The following SDK1 variants were observed in gnomAD, a reference collection of about 807,000 sequenced individuals.
SDK1 encodes sidekick cell adhesion molecule 1.
In SDK1, 157 loss-of-function variants were observed where a neutral mutation model predicts 245.5. That is an observed-to-expected ratio of 0.64 (90% CI 0.56 to 0.73). The LOEUF is 0.73. Ranked by LOEUF, SDK1 falls within the 30% of genes least tolerant of loss-of-function variation. The pLI, the probability that SDK1 is intolerant of heterozygous loss-of-function variation, is 0.00. For synonymous variants in SDK1, 1,647 were observed against 1,278.5 expected (o/e 1.29, Z -6.15); for missense variants, 3,583 against 3,002.3 (o/e 1.19, Z -4.52).
chr7:4,020,586 A>T (rs899589623), intron 17 of SDK1, among the ~76,000 whole-genome samples: 41 of 152,308 alleles, frequency 2.7e-4, no homozygotes, highest in African/African-American at 9.4e-4. Context: ...ATCTGCCTAG[A>T]AGGTGGCACA....
intron 1 of SDK1, among the ~76,000 whole-genome samples, chr7:3,424,383 C>T (rs1257675883): frequency 6.6e-6 from 1 of 152,126 alleles, no homozygotes; most frequent in African/African-American, 2.4e-5. Flanking sequence ...TATTCCTAAA[C>T]ATTTAAGCCT....
intron 17 of SDK1, among the ~76,000 whole-genome samples, chr7:4,038,155 C>T (rs1342937424): frequency 1.3e-5 from 2 of 152,204 alleles, no homozygotes; most frequent in African/African-American, 4.8e-5. Context: ...AAAGCCCAGT[C>T]CCCTTTGAAT....
At chr7:3,749,768 T>G (rs1779724951) in intron 4 of SDK1, among the ~76,000 whole-genome samples, 1 of 152,118 alleles carries the variant, frequency 6.6e-6, no homozygotes, top group Non-Finnish European at 1.5e-5. Context: ...AGTGTTCTGG[T>G]CTCCTGTATT....
intron 5 of SDK1, among the ~76,000 whole-genome samples, chr7:3,930,575 G>A (rs1167344867): frequency 6.6e-6 from 1 of 152,172 alleles, no homozygotes; most frequent in East Asian, 1.9e-4. Flanking sequence ...TGAAAATCCT[G>A]GCATCAAATT....
At chr7:4,139,516 T>C (rs1779353826) in intron 28 of SDK1, among the ~76,000 whole-genome samples, 2 of 33,342 alleles carry the variant, frequency 6.0e-5, no homozygotes, top group Admixed American at 3.3e-4. Flanking sequence ...TATGTATATA[T>C]GTGTGTGTAT....
chr7:3,597,817 G>C (rs2128637685), intron 1 of SDK1, among the ~76,000 whole-genome samples: 1 of 152,252 alleles, frequency 6.6e-6, no homozygotes, highest in South Asian at 2.1e-4. Context: ...ATGGTGCTGA[G>C]TTTACCAGTT....
At chr7:3,724,050 G>T (rs1014439103) in intron 4 of SDK1, among the ~76,000 whole-genome samples, 2 of 149,478 alleles carry the variant, frequency 1.3e-5, no homozygotes, top group Admixed American at 6.6e-5. Context: ...TGCAACCTCC[G>T]CCTCCCGGGT....
chr7:3,556,498 T>C lies in SDK1; in HGVS notation c.299-62582T>C, dbSNP rs960901633. Reference sequence around the variant, plus strand: ...TCTAGTATTTCATAGTACAACAGGGTGACTAAAGTCAATAATTTATTATAC... The same window carrying C: ...TCTAGTATTTCATAGTACAACAGGGCGACTAAAGTCAATAATTTATTATAC... On this transcript the variant is annotated intron_variant, in intron 1 of 44. Coordinates refer to ENST00000404826, the MANE Select transcript of SDK1 (RefSeq NM_152744.4). 2.6e-5 allele frequency among the ~76,000 whole-genome samples: 4 copies of C among 152,094 alleles called. 1 individual carries two copies. The highest frequency in any genetic ancestry group is 9.7e-5 in the African/African-American group (4 of 41,404).
chr7:4,240,703 C>G (rs1429262483), intron 42 of SDK1, among the ~76,000 whole-genome samples: 1 of 152,132 alleles, frequency 6.6e-6, no homozygotes, highest in Non-Finnish European at 1.5e-5. Context: ...GTGTGATGGA[C>G]TTAAGTCTGT....
chr7:3,738,196 C>G (rs561990546), intron 4 of SDK1, among the ~76,000 whole-genome samples: 2 of 152,264 alleles, frequency 1.3e-5, no homozygotes, highest in South Asian at 2.1e-4. Context: ...AGGTTTAAAT[C>G]TTTGTTCTGT....
At chr7:3,776,976 C>G (rs1293877904) in intron 4 of SDK1, among the ~76,000 whole-genome samples, 1 of 152,152 alleles carries the variant, frequency 6.6e-6, no homozygotes, top group African/African-American at 2.4e-5. Context: ...TCTGTTTCCA[C>G]CCCCACACAC....
Position 4,215,137 on chromosome 7 carries a change from C to T in SDK1, c.5540-4972C>T, listed in dbSNP as rs1008914984. 2.2e-4 allele frequency among the ~76,000 whole-genome samples: 34 copies of T among 152,294 alleles called. 1 individual carries two copies. Among genetic ancestry groups the T allele is most frequent in the African/African-American group, 7.9e-4 (33 of 41,558 alleles). On this transcript the variant is annotated intron_variant, in intron 38 of 44. Transcript: ENST00000404826. ...CCGAGACACTAACCCCAGGCCTGTC[C>T]GACAAGCCACATCCCGTACCCACAT...
intron 1 of SDK1, among the ~76,000 whole-genome samples, chr7:3,342,213 A>T (rs1780367456): frequency 6.6e-6 from 1 of 152,238 alleles, no homozygotes; most frequent in South Asian, 2.1e-4. Context: ...ATCAACCTTG[A>T]TCTAAATTTT....
intron 2 of SDK1, among the ~76,000 whole-genome samples, chr7:3,632,652 T>C (rs946213543): frequency 2.6e-5 from 4 of 152,236 alleles, no homozygotes; most frequent in Non-Finnish European, 5.9e-5. Context: ...AAATATTGTG[T>C]TCCCTTTGTA....
chr7:3,502,965 TA>T (rs1782266617), intron 1 of SDK1, among the ~76,000 whole-genome samples: 1 of 152,344 alleles, frequency 6.6e-6, no homozygotes, highest in Non-Finnish European at 1.5e-5. Flanking sequence ...GAACTGTTTG[TA>T]AAATATTTTG....
At chr7:4,081,607 A>T (rs1584060249) in intron 22 of SDK1, among the ~76,000 whole-genome samples, 1 of 151,766 alleles carries the variant, frequency 6.6e-6, no homozygotes, top group Non-Finnish European at 1.5e-5. Flanking sequence ...TTTAGTAGAG[A>T]CGGGGTTTCA....
At chr7:4,071,565 A>T (rs971462019) in intron 20 of SDK1, among the ~76,000 whole-genome samples, 1 of 152,148 alleles carries the variant, frequency 6.6e-6, no homozygotes, top group African/African-American at 2.4e-5. Context: ...AGGCAGGGGG[A>T]ACTGAGCAGG....
intron 1 of SDK1, among the ~76,000 whole-genome samples, chr7:3,547,273 A>C (rs986913550): frequency 6.6e-6 from 1 of 152,202 alleles, no homozygotes; most frequent in African/African-American, 2.4e-5. Flanking sequence ...TAACAGTCAT[A>C]ATTATTATAA....
At chr7:3,338,328 C>T in intron 1 of SDK1, 2 of 502,828 alleles carry the variant, frequency 4.0e-6, no homozygotes, top group Non-Finnish European at 7.5e-6. Context: ...CGATGTTACT[C>T]AGCATGCTGT....
Sources: allele counts gnomAD v4.1 joint callset (sites outside exome capture counted in the v4.1 genomes callset), GRCh38; gene constraint gnomAD v4.1.1; transcripts MANE v1.5; gene names NCBI Gene and HGNC (gene_info 2026-07-23, HGNC 2026-07-21).